FIGN: variants seen among roughly 807,000 people sequenced by gnomAD.
FIGN encodes fidgetin, microtubule severing factor.
In FIGN, 11 loss-of-function variants were observed where a neutral mutation model predicts 51.3. The ratio of observed to expected loss-of-function variants is 0.21; its 90% CI spans 0.13 to 0.35. FIGN has a LOEUF of 0.35. FIGN is among the 10% of genes least tolerant of loss of function. The probability of loss-of-function intolerance (pLI) is 1.00; values close to 1 mark genes in which losing one functional copy is unlikely to be tolerated. For missense variants in FIGN, 857 were observed against 943.6 expected (o/e 0.91, Z 1.20); for synonymous variants, 407 against 363.2 (o/e 1.12, Z -1.37).
chr2:163,650,169 T>G (rs36014468), intron 2 of FIGN, among the ~76,000 whole-genome samples: 8,956 of 152,124 alleles, frequency 0.059, 326 homozygotes, highest in African/African-American at 0.093. Flanking sequence ...GATGCAGTAT[T>G]TCCTAACCTG....
chr2:163,624,735 G>T (rs932849634), intron 2 of FIGN, among the ~76,000 whole-genome samples: 27 of 147,276 alleles, frequency 1.8e-4, no homozygotes, highest in African/African-American at 6.5e-4. Context: ...ACAAGCTGTC[G>T]TAATTGAAAT....
chr2:163,687,336 A>G (rs1573950866), intron 2 of FIGN, among the ~76,000 whole-genome samples: 1 of 152,204 alleles, frequency 6.6e-6, no homozygotes, highest in Non-Finnish European at 1.5e-5. Flanking sequence ...AAGAAATGGT[A>G]ACAGAAAGCT....
chr2:163,686,799 T>A (rs62169901), intron 2 of FIGN, among the ~76,000 whole-genome samples: 3 of 143,980 alleles, frequency 2.1e-5, no homozygotes, highest in Non-Finnish European at 4.5e-5. Context: ...CACACACATA[T>A]ATATATATTC....
chr2:163,609,630 G>A lies in FIGN; in HGVS notation c.2202C>T (p.Cys734=), dbSNP rs1691185817. 6.2e-7 allele frequency: 1 copy of A among 1,614,014 alleles called. No individual in the cohort carries two copies. Among genetic ancestry groups the A allele is most frequent in the Non-Finnish European group, 8.5e-7 (1 of 1,180,010 alleles). Reference sequence around the variant, plus strand: ...TTTGAGATATGCTAGGCTGAATCTTGCAGAAAGCATTTTCAAAGTCTTGAT... The same window carrying A: ...TTTGAGATATGCTAGGCTGAATCTTACAGAAAGCATTTTCAAAGTCTTGAT... ...VTYQDFENAF[C]KIQPSISQKE... Residue 734 remains cysteine, a synonymous_variant, in exon 3 of 3, where the codon TGC becomes TGT. Transcript: ENST00000333129.
chr2:163,693,190 C>T (rs946991524), intron 2 of FIGN, among the ~76,000 whole-genome samples: 7 of 152,122 alleles, frequency 4.6e-5, no homozygotes, highest in African/African-American at 1.7e-4. Context: ...GCAGATTCCA[C>T]AACTGGCATA....
At chr2:163,633,876 G>C (rs1683186196) in intron 2 of FIGN, among the ~76,000 whole-genome samples, 1 of 152,084 alleles carries the variant, frequency 6.6e-6, no homozygotes, top group Non-Finnish European at 1.5e-5. Flanking sequence ...CATGTACAAA[G>C]TGAACTCACC....
At chr2:163,702,210 T>G (rs1350696291) in intron 2 of FIGN, among the ~76,000 whole-genome samples, 3 of 152,134 alleles carry the variant, frequency 2.0e-5, no homozygotes, top group Non-Finnish European at 4.4e-5. Context: ...TGCCTGTACC[T>G]AGTTTTGCAT....
intron 2 of FIGN, among the ~76,000 whole-genome samples, chr2:163,625,763 G>A (rs1428892105): frequency 6.6e-6 from 1 of 151,910 alleles, no homozygotes; most frequent in African/African-American, 2.4e-5. Flanking sequence ...AGTCTTATCC[G>A]AAGCTCTTCA....
chr2:163,668,025 C>G (rs780635151), intron 2 of FIGN, among the ~76,000 whole-genome samples: 6 of 144,536 alleles, frequency 4.2e-5, no homozygotes, highest in Middle Eastern at 3.6e-3. Flanking sequence ...CCCCCCCCCC[C>G]AAAAAACCCT....
intron 2 of FIGN, among the ~76,000 whole-genome samples, chr2:163,694,236 G>T (rs1684282362): frequency 6.6e-6 from 1 of 152,156 alleles, no homozygotes. Flanking sequence ...ACTTGGGATA[G>T]AATTTTTTAC....
chr2:163,700,743 A>G (rs1684395742), intron 2 of FIGN, among the ~76,000 whole-genome samples: 1 of 152,166 alleles, frequency 6.6e-6, no homozygotes, highest in African/African-American at 2.4e-5. Context: ...CTGGGATGGC[A>G]TTTTGTGAAA....
Position 163,620,864 on chromosome 2 carries a change from T to TGTGTGTGTGG in FIGN, c.26-9059_26-9058insCCACACACAC, listed in dbSNP as rs1682957807. ...CTGTGTAAATATTTGTGTGTGTGTG[T>TGTGTGTGTGG]GTGTGTGTGTGTGTGTTCCATTTCA... On this transcript the variant is annotated intron_variant, in intron 2 of 2. Transcript: ENST00000333129. 2.0e-5 allele frequency among the ~76,000 whole-genome samples: 3 copies of TGTGTGTGTGG among 151,640 alleles called. No homozygotes were observed. In the Admixed American group the frequency reaches 2.0e-4, roughly 10 times the overall value.
intron 2 of FIGN, among the ~76,000 whole-genome samples, chr2:163,656,550 T>C (rs1258844301): frequency 6.6e-6 from 1 of 152,078 alleles, no homozygotes; most frequent in Non-Finnish European, 1.5e-5. Flanking sequence ...TTGTATGCCA[T>C]GCCTGAGAAG....
intron 2 of FIGN, among the ~76,000 whole-genome samples, chr2:163,687,446 G>T (rs1260522387): frequency 1.3e-5 from 2 of 152,120 alleles, no homozygotes; most frequent in African/African-American, 4.8e-5. Flanking sequence ...CTGACCTCAG[G>T]CCTCATACAC....
Position 163,609,916 on chromosome 2 carries a change from G to T in FIGN, c.1916C>A (p.Ser639Tyr). The change falls in exon 3 of 3, where the codon TCC (serine) becomes TAC (tyrosine). Residue 639 changes from serine (S) to tyrosine (Y), a missense_variant. Ser to Tyr is a moderately radical substitution (Grantham distance 144). This residue lies in a region of FIGN where 799 missense variants were observed against 849.5 expected (regional missense o/e 0.94). Coordinates refer to ENST00000333129, the MANE Select transcript of FIGN (RefSeq NM_018086.4). ...TCGTTTCATGAAGTACCTCCGAAGGGATTCATCTATTTCTTCTGGTTTACT... is the reference window on the plus strand; with the variant it reads ...TCGTTTCATGAAGTACCTCCGAAGGTATTCATCTATTTCTTCTGGTTTACT... Reference protein sequence around the residue: ...ATSKPEEIDESLRRYFMKRLL... With the variant: ...ATSKPEEIDEYLRRYFMKRLL... 1 of 1,614,028 alleles carries T rather than the reference G, an allele frequency of 6.2e-7. No homozygotes were observed. The highest frequency in any genetic ancestry group is 8.5e-7 in the Non-Finnish European group (1 of 1,180,038).
At chr2:163,668,982 G>T (rs112223772) in intron 2 of FIGN, among the ~76,000 whole-genome samples, 1 of 141,654 alleles carries the variant, frequency 7.1e-6, no homozygotes, top group African/African-American at 2.8e-5. Context: ...TAGATTTCAG[G>T]AAGAATTTCT....
At chr2:163,664,034 G>A (rs1485758130) in intron 2 of FIGN, among the ~76,000 whole-genome samples, 1 of 152,178 alleles carries the variant, frequency 6.6e-6, no homozygotes, top group East Asian at 1.9e-4. Flanking sequence ...TCTTTGGGCA[G>A]TTAGTGGCTC....
At chr2:163,728,099 G>A (rs1017803213) in intron 2 of FIGN, among the ~76,000 whole-genome samples, 2 of 152,036 alleles carry the variant, frequency 1.3e-5, no homozygotes, top group African/African-American at 2.4e-5. Context: ...TGTTTATATA[G>A]CTAAAATACC....
At chr2:163,621,174 T>C (rs947416571) in intron 2 of FIGN, among the ~76,000 whole-genome samples, 8 of 152,176 alleles carry the variant, frequency 5.3e-5, no homozygotes, top group African/African-American at 1.9e-4. Flanking sequence ...GTTATTCACA[T>C]GTTGAGGGTA....
Sources: allele counts gnomAD v4.1 joint callset (sites outside exome capture counted in the v4.1 genomes callset), GRCh38; gene constraint gnomAD v4.1.1; regional missense constraint gnomAD v4.1.1; transcripts MANE v1.5; gene names NCBI Gene and HGNC (gene_info 2026-07-23, HGNC 2026-07-21).